The following CNTNAP4 variants were observed in gnomAD, a reference collection of about 807,000 sequenced individuals.
CNTNAP4 encodes contactin associated protein family member 4.
A neutral mutation model predicts 148.4 loss-of-function variants in CNTNAP4; 98 were observed. The observed-to-expected ratio is 0.66, with a 90% CI of 0.56 to 0.78. The LOEUF (loss-of-function observed/expected upper bound fraction) is 0.78. Among genes scored for constraint, CNTNAP4 ranks in the 30% least tolerant of loss-of-function variants. CNTNAP4 has a pLI of 0.00. For synonymous variants in CNTNAP4, 730 were observed against 565.1 expected (o/e 1.29, Z -4.14); for missense variants, 1,935 against 1,565.6 (o/e 1.24, Z -3.98).
At chr16:76,416,610 T>C (rs1390749126) in intron 3 of CNTNAP4, among the ~76,000 whole-genome samples, 3 of 151,528 alleles carry the variant, frequency 2.0e-5, no homozygotes, top group African/African-American at 7.2e-5. Flanking sequence ...GCATACATTG[T>C]ATGATTTCTA....
chr16:76,361,058 C>T (rs979540503), intron 3 of CNTNAP4, among the ~76,000 whole-genome samples: 15 of 151,812 alleles, frequency 9.9e-5, no homozygotes, highest in African/African-American at 2.9e-4. Flanking sequence ...TTGCTGACCT[C>T]GTGGTCCGCC....
intron 3 of CNTNAP4, among the ~76,000 whole-genome samples, chr16:76,384,643 C>G (rs979373033): frequency 6.6e-6 from 1 of 152,102 alleles, no homozygotes; most frequent in Non-Finnish European, 1.5e-5. Context: ...TTCCGCGCTC[C>G]TCTCTCAGGA....
At chr16:76,404,326 C>T (rs531905017) in intron 3 of CNTNAP4, among the ~76,000 whole-genome samples, 4 of 151,152 alleles carry the variant, frequency 2.6e-5, no homozygotes, top group Admixed American at 6.6e-5. Context: ...TCAGGATCAC[C>T]GAGAGTAGTT....
intron 3 of CNTNAP4, among the ~76,000 whole-genome samples, chr16:76,371,432 C>T (rs975994152): frequency 3.9e-5 from 6 of 152,056 alleles, no homozygotes; most frequent in Admixed American, 1.3e-4. Context: ...ATTACAGGTG[C>T]GTGCCTCCCG....
chr16:76,365,143 A>G (rs1314104217), intron 3 of CNTNAP4, among the ~76,000 whole-genome samples: 1 of 152,186 alleles, frequency 6.6e-6, no homozygotes, highest in African/African-American at 2.4e-5. Context: ...TCCTTTCCCC[A>G]TTGCTTGTTT....
At chr16:76,390,028 C>A (rs758141502) in intron 3 of CNTNAP4, among the ~76,000 whole-genome samples, 2 of 152,020 alleles carry the variant, frequency 1.3e-5, no homozygotes, top group Non-Finnish European at 2.9e-5. Context: ...GGAGCTTAGC[C>A]CCACTGGGGA....
chr16:76,506,564 GGGTTCAAGTGATTCTCCT>G (rs374279092), intron 15 of CNTNAP4, among the ~76,000 whole-genome samples: 1,942 of 83,880 alleles, frequency 0.023, 269 homozygotes, highest in African/African-American at 0.053. Context: ...TCCGCCTCCT[GGGTTCAAGTGATTCTCCT>G]GCCTCAGCCT....
At chr16:76,301,517 A>G (rs1488522973) in intron 1 of CNTNAP4, among the ~76,000 whole-genome samples, 1 of 152,170 alleles carries the variant, frequency 6.6e-6, no homozygotes, top group South Asian at 2.1e-4. Context: ...GTATTTGCAA[A>G]CAGTATGTGA....
At chr16:76,445,872 AG>A (rs375428986) in intron 4 of CNTNAP4, among the ~76,000 whole-genome samples, 264 of 152,330 alleles carry the variant, frequency 1.7e-3, no homozygotes, top group African/African-American at 6.2e-3. Flanking sequence ...CAGCATTTAA[AG>A]TCTGTCTTAC....
intron 3 of CNTNAP4, among the ~76,000 whole-genome samples, chr16:76,411,565 A>G (rs892740311): frequency 6.6e-6 from 1 of 151,374 alleles, no homozygotes; most frequent in Admixed American, 6.6e-5. Flanking sequence ...TGCATGATAA[A>G]TTATGTGATA....
intron 2 of CNTNAP4, among the ~76,000 whole-genome samples, chr16:76,341,890 G>C (rs1567774392): frequency 6.6e-6 from 1 of 152,136 alleles, no homozygotes; most frequent in Non-Finnish European, 1.5e-5. Context: ...GGGAAGTTTA[G>C]AAAAAAACCC....
intron 2 of CNTNAP4, among the ~76,000 whole-genome samples, chr16:76,352,856 T>A (rs761178574): frequency 6.6e-6 from 1 of 152,084 alleles, no homozygotes; most frequent in Non-Finnish European, 1.5e-5. Context: ...GTGCTTCAGA[T>A]CATTCAAGAA....
chr16:76,400,045 G>T (rs940432692), intron 3 of CNTNAP4, among the ~76,000 whole-genome samples: 10 of 152,158 alleles, frequency 6.6e-5, no homozygotes, highest in Admixed American at 2.0e-4. Context: ...GCATATCTTA[G>T]TGTATAGCAA....
In CNTNAP4 at chr16:76,354,740, G is replaced by A. The variant is rs17699107; in HGVS notation, c.197-578G>A. The stretch of plus-strand genomic sequence containing the variant: ...TTGTGTTATTTTCTCCTGCAAACAC[G>A]CCATCATTAATGTGTGTTTCAAATG... On this transcript the variant is annotated intron_variant, in intron 2 of 23. Coordinates refer to ENST00000611870, the MANE Select transcript of CNTNAP4 (RefSeq NM_033401.5). Among the ~76,000 whole-genome samples the A allele has an allele frequency of 1.4e-4, 21 of 152,200 alleles. No homozygotes were observed. In the South Asian group the frequency reaches 3.5e-3, roughly 26 times the overall value.
At chr16:76,472,643 A>G (rs1214692319) in intron 10 of CNTNAP4, among the ~76,000 whole-genome samples, 2 of 151,982 alleles carry the variant, frequency 1.3e-5, no homozygotes, top group African/African-American at 4.8e-5. Context: ...CATTTTCTTT[A>G]TTTGGTTTAT....
chr16:76,277,811 G>T (rs1958536805), intron 1 of CNTNAP4, 64 bp downstream of exon 1: 1 of 996,012 alleles, frequency 1.0e-6, no homozygotes, highest in South Asian at 1.4e-5. Context: ...TGATTCTGTT[G>T]GTTTGATGAT....
In CNTNAP4 at chr16:76,461,534, T is replaced by C. The variant is rs28734057; in HGVS notation, c.1334-422T>C. On this transcript the variant is annotated intron_variant, in intron 8 of 23. Transcript: ENST00000611870. ...ATAGTTTATTCCAATATTGTTGTAA[T>C]GATTGATGGTATAGTTTGCTAAATA... Among the ~76,000 whole-genome samples the C allele has an allele frequency of 1.6e-3, 248 of 152,334 alleles. 1 individual carries two copies. Among genetic ancestry groups the C allele is most frequent in the African/African-American group, 5.3e-3 (221 of 41,580 alleles).
intron 3 of CNTNAP4, among the ~76,000 whole-genome samples, chr16:76,424,322 G>A (rs1327915281): frequency 2.0e-5 from 3 of 152,200 alleles, no homozygotes; most frequent in Non-Finnish European, 1.5e-5. Context: ...TCATCCAGCT[G>A]TTCACTCTGC....
chr16:76,436,213 A>G (rs1434964914), intron 4 of CNTNAP4, among the ~76,000 whole-genome samples: 1 of 152,048 alleles, frequency 6.6e-6, no homozygotes, highest in African/African-American at 2.4e-5. Flanking sequence ...GGAAAGAATG[A>G]TGGCAGTGTG....
Sources: gnomAD v4.1 joint callset for allele counts (sites outside exome capture counted in the v4.1 genomes callset) on GRCh38, gnomAD v4.1.1 for gene constraint, MANE v1.5 for transcripts, NCBI Gene and HGNC (gene_info 2026-07-23, HGNC 2026-07-21) for gene names.